Variants in COLQ observed in about 807,000 individuals in gnomAD.
COLQ encodes the protein collagen like tail subunit of asymmetric acetylcholinesterase, also known as acetylcholinesterase collagenic tail peptide.
A neutral mutation model predicts 69.0 loss-of-function variants in COLQ; 48 were observed. The ratio of observed to expected loss-of-function variants is 0.70; its 90% confidence interval spans 0.55 to 0.88. The LOEUF (loss-of-function observed/expected upper bound fraction) is 0.88. Among genes scored for constraint, COLQ ranks in the 40% least tolerant of loss-of-function variants. COLQ has a pLI of 0.00. For synonymous variants in COLQ, 217 were observed against 211.2 expected (o/e 1.03, Z -0.24); for missense variants, 618 against 594.6 (o/e 1.04, Z -0.41).
chr3:15,487,281 G>T (rs565837536), intron 3 of COLQ, among the ~76,000 whole-genome samples: 109 of 152,324 alleles, frequency 7.2e-4, no homozygotes, highest in South Asian at 2.1e-3. Flanking sequence ...AAACCAGAAA[G>T]AACATTCCAA....
At position 15,498,984 on chromosome 3, in the gene COLQ, C is replaced by T. The variant is rs879636276; in HGVS notation, c.107-9347G>A. On this transcript the variant is annotated intron_variant, in intron 1 of 16. Transcript: ENST00000383788. ...AAAACCGACTTGACTCAAAATACCA[C>T]AGCAGTATTGACTGCTCTGGTAAGC... is the stretch of plus-strand genomic sequence containing the variant. The T allele has an allele frequency of 1.2e-5, 14 of 1,161,964 alleles. No homozygotes were observed. In the Admixed American group the frequency reaches 2.3e-4, roughly 19 times the overall value. The allele number at this position is 1,161,964 out of a possible 1,614,324, so 72.0% of individuals were successfully genotyped here.
At position 15,456,002 on chromosome 3, in the gene COLQ, A is replaced by G; in HGVS notation, c.1092T>C (p.Pro364=). The G allele has an allele frequency of 1.9e-6, 3 of 1,614,042 alleles. No individual in the cohort carries two copies. Among genetic ancestry groups the G allele is most frequent in the Non-Finnish European group, 2.5e-6 (3 of 1,179,986 alleles). Residue 364 remains proline (P), a synonymous_variant, in exon 15 of 17, where the codon CCT becomes CCC. Coordinates refer to ENST00000383788, the MANE Select transcript of COLQ (RefSeq NM_005677.4). ...CGTGCTGGTCTGCAGTGTAATCCAC[A>G]GGGTAGAAAGGGGTCAGCTGGCCAA... The part of the protein sequence containing the change: ...WLPIQLTPFY[P]VDYTADQHGT...
intron 1 of COLQ, among the ~76,000 whole-genome samples, chr3:15,508,542 G>A (rs1413436587): frequency 6.6e-6 from 1 of 152,202 alleles, no homozygotes; most frequent in Admixed American, 6.5e-5. Context: ...TTGAGGGGAA[G>A]TATCTCAAAT....
intron 1 of COLQ, among the ~76,000 whole-genome samples, chr3:15,507,914 T>C (rs575757289): frequency 6.6e-6 from 1 of 152,332 alleles, no homozygotes; most frequent in South Asian, 2.1e-4. Context: ...CACTTTATTA[T>C]ATGGCTTGCA....
At chr3:15,475,061 C>T (rs2062356596) in intron 7 of COLQ, 110 bp from the exon 8 acceptor site, 1 of 1,197,902 alleles carries the variant, frequency 8.3e-7, no homozygotes, top group Admixed American at 1.7e-5. Flanking sequence ...CTCCACATTG[C>T]ACTGTGAGTT....
chr3:15,504,906 T>C (rs905659330), intron 1 of COLQ, among the ~76,000 whole-genome samples: 4 of 152,188 alleles, frequency 2.6e-5, no homozygotes, highest in African/African-American at 7.2e-5. Flanking sequence ...AGTCACATTC[T>C]AAGGTACTGG....
At chr3:15,511,153 TAC>T (rs970179001) in intron 1 of COLQ, among the ~76,000 whole-genome samples, 14 of 152,156 alleles carry the variant, frequency 9.2e-5, no homozygotes, top group African/African-American at 3.4e-4. Context: ...CCCTTAATTT[TAC>T]AGATGAGGAA....
At position 15,466,520 on chromosome 3, in the gene COLQ, C is replaced by A. The variant is rs924666484; in HGVS notation, c.718-83G>T. On this transcript the variant is annotated intron_variant, in intron 11 of 16. Transcript: ENST00000383788. ...CCATTTATCACCAAATCAGAGATCA[C>A]CTTGCACTTAAGGAGCAAGAGCCCA... 3.9e-5 allele frequency: 48 copies of A among 1,220,262 alleles called. No homozygotes were observed. The African/African-American group carries it at 6.4e-4, about 16-fold the overall frequency. The allele number at this position is 1,220,262 out of a possible 1,614,324, so 75.6% of individuals were successfully genotyped here.
rs762479425 is a variant in COLQ at position 15,474,051 on chromosome 3, C to A, written c.601-16G>T. On this transcript the variant is annotated splice_polypyrimidine_tract_variant and intron_variant, in intron 9 of 16. Coordinates refer to ENST00000383788, the MANE Select transcript of COLQ (RefSeq NM_005677.4). Reference sequence around the variant, plus strand: ...CTGGGAAACCCTGTGAAAAGAGCAACAAATAATTGTGATCACCTCTGAAAT... The same window carrying A: ...CTGGGAAACCCTGTGAAAAGAGCAAAAAATAATTGTGATCACCTCTGAAAT... 1.2e-6 allele frequency: 2 copies of A among 1,614,100 alleles called. No homozygotes were observed. Among genetic ancestry groups the A allele is most frequent in the Non-Finnish European group, 1.7e-6 (2 of 1,179,996 alleles).
chr3:15,466,290 A>T, intron 12 of COLQ, 51 bp downstream of exon 12: 1 of 1,335,726 alleles, frequency 7.5e-7, no homozygotes, highest in Non-Finnish European at 1.1e-6. Context: ...CCTCTCTGGG[A>T]GGCTGGCCAG....
At chr3:15,491,181 T>TA (rs753190871) in intron 1 of COLQ, among the ~76,000 whole-genome samples, 88 of 150,628 alleles carry the variant, frequency 5.8e-4, no homozygotes, top group Non-Finnish European at 1.1e-3. Flanking sequence ...GAAATGGCCC[T>TA]AAAAAAAAGA....
At chr3:15,487,602 T>A (rs1354313416) in intron 3 of COLQ, among the ~76,000 whole-genome samples, 1 of 152,242 alleles carries the variant, frequency 6.6e-6, no homozygotes, top group Non-Finnish European at 1.5e-5. Flanking sequence ...CAGACCCAGC[T>A]GTCCCTCACC....
At chr3:15,455,778 G>C (rs1156889876) in intron 15 of COLQ, 121 bp downstream of exon 15, 33 of 1,359,352 alleles carry the variant, frequency 2.4e-5, no homozygotes, top group Non-Finnish European at 3.3e-5. Flanking sequence ...GGTGGCCTGG[G>C]TATACCCTTC....
Position 15,451,818 on chromosome 3 carries a change from CT to C in COLQ, c.1299-106del, listed in dbSNP as rs1300851640. 49 of 969,056 alleles carry C rather than the reference CT, an allele frequency of 5.1e-5. No individual in the cohort carries two copies. The African/African-American group carries it at 7.2e-4, about 14-fold the overall frequency. 60.0% of individuals were successfully genotyped at this position (969,056 alleles called of 1,614,324 possible). On this transcript the variant is annotated intron_variant, in intron 16 of 16. Transcript: ENST00000383788. ...CCAAGGGCCAATGGCTCTACAAGAA[CT>C]TTTTCCCATTCTCATTTGGAGTGAG...
At chr3:15,482,218 C>T (rs2062499289) in intron 3 of COLQ, among the ~76,000 whole-genome samples, 1 of 152,140 alleles carries the variant, frequency 6.6e-6, no homozygotes, top group South Asian at 2.1e-4. Flanking sequence ...TTTCTCCTGC[C>T]TGATTGCCCT....
chr3:15,474,647 A>T (rs2062347710), intron 8 of COLQ, among the ~76,000 whole-genome samples: 1 of 152,218 alleles, frequency 6.6e-6, no homozygotes, highest in Admixed American at 6.5e-5. Flanking sequence ...CTCTGTGCAA[A>T]CTGTGCTTAT....
intron 1 of COLQ, among the ~76,000 whole-genome samples, chr3:15,514,123 T>C (rs2125184914): frequency 6.6e-6 from 1 of 152,332 alleles, no homozygotes; most frequent in East Asian, 1.9e-4. Context: ...GGATGCTTCC[T>C]GAGAGCCTTC....
At position 15,521,653 on chromosome 3, in the gene COLQ, T is replaced by C. The variant is rs1249905183; in HGVS notation, c.-28A>G. On this transcript the variant is annotated 5_prime_UTR_variant, in exon 1 of 17. Coordinates refer to ENST00000383788, the MANE Select transcript of COLQ (RefSeq NM_005677.4). Reference sequence around the variant, plus strand: ...TGGCCAGGGTCTGGCGAGGGTCAAGTTAGAAAGGAGGCTGCTGCGGAGCCT... The same window carrying C: ...TGGCCAGGGTCTGGCGAGGGTCAAGCTAGAAAGGAGGCTGCTGCGGAGCCT... 2.5e-6 allele frequency: 4 copies of C among 1,613,894 alleles called. No homozygotes were observed. The highest frequency in any genetic ancestry group is 3.4e-6 in the Non-Finnish European group (4 of 1,179,958).
intron 10 of COLQ, among the ~76,000 whole-genome samples, chr3:15,472,517 C>T (rs1163238896): frequency 6.6e-6 from 1 of 152,126 alleles, no homozygotes; most frequent in Non-Finnish European, 1.5e-5. Context: ...ACTAACAAAG[C>T]ATCCCCTTTG....
Sources: allele counts gnomAD v4.1 joint callset (sites outside exome capture counted in the v4.1 genomes callset), GRCh38; gene constraint gnomAD v4.1.1; transcripts MANE v1.5; gene names NCBI Gene and HGNC (gene_info 2026-07-23, HGNC 2026-07-21).